Variants in ERBIN observed in about 807,000 individuals in gnomAD.
ERBIN encodes the protein erbb2 interacting protein.
In ERBIN, 60 loss-of-function variants were observed where a neutral mutation model predicts 158.4. The observed-to-expected ratio is 0.38, with a 90% CI of 0.31 to 0.47. The LOEUF (loss-of-function observed/expected upper bound fraction) is 0.47. Among genes scored for constraint, ERBIN ranks in the 20% least tolerant of loss-of-function variants. ERBIN has a pLI of 0.99. For missense variants in ERBIN, 1,610 were observed against 1,648.0 expected (o/e 0.98, Z 0.40); for synonymous variants, 594 against 557.2 (o/e 1.07, Z -0.93).
At chr5:65,986,383 G>A (rs1751239549) in intron 1 of ERBIN, among the ~76,000 whole-genome samples, 1 of 152,204 alleles carries the variant, frequency 6.6e-6, no homozygotes. Context: ...GTGTATGAGT[G>A]ACAGAAGATT....
intron 14 of ERBIN, among the ~76,000 whole-genome samples, chr5:66,031,831 C>G (rs960144895): frequency 6.6e-6 from 1 of 151,924 alleles, no homozygotes; most frequent in Non-Finnish European, 1.5e-5. Context: ...GATTCTATCT[C>G]CAAGATAGTT....
chr5:66,048,354 A>AC (rs1277750491), intron 18 of ERBIN, among the ~76,000 whole-genome samples: 2 of 151,932 alleles, frequency 1.3e-5, no homozygotes, highest in African/African-American at 4.8e-5. Flanking sequence ...TCATAGAGCT[A>AC]TATATGGTTG....
intron 21 of ERBIN, among the ~76,000 whole-genome samples, chr5:66,055,952 C>T (rs1215786196): frequency 1.3e-5 from 2 of 152,058 alleles, no homozygotes; most frequent in Non-Finnish European, 2.9e-5. Context: ...AAGCATTAGG[C>T]TACTTCATTC....
chr5:66,071,089 C>G (rs998231542), intron 21 of ERBIN, among the ~76,000 whole-genome samples: 1 of 152,100 alleles, frequency 6.6e-6, no homozygotes, highest in African/African-American at 2.4e-5. Context: ...TGCAGTGGTT[C>G]ACACCTGTAA....
intron 3 of ERBIN, 50 bp from the exon 4 acceptor site, chr5:65,994,697 A>G: frequency 9.8e-7 from 1 of 1,025,592 alleles, no homozygotes; most frequent in South Asian, 1.4e-5. Flanking sequence ...AGTTCATGAA[A>G]TATTTAAAGA....
At chr5:65,988,192 G>A (rs2151034804) in intron 1 of ERBIN, among the ~76,000 whole-genome samples, 1 of 151,976 alleles carries the variant, frequency 6.6e-6, no homozygotes, top group Non-Finnish European at 1.5e-5. Flanking sequence ...CCAACATAGT[G>A]AGACCCTGTC....
At chr5:66,053,260 T>C in intron 20 of ERBIN, 146 bp from the exon 21 acceptor site, 1 of 444,694 alleles carries the variant, frequency 2.2e-6, no homozygotes, top group South Asian at 6.5e-5. Flanking sequence ...TATTTTAAAA[T>C]TACATGCTTG....
chr5:65,957,934 C>T (rs1189881573), intron 1 of ERBIN, among the ~76,000 whole-genome samples: 1 of 151,182 alleles, frequency 6.6e-6, no homozygotes, highest in Non-Finnish European at 1.5e-5. Flanking sequence ...CTCCTCACTT[C>T]TCAGATGGGG....
intron 1 of ERBIN, among the ~76,000 whole-genome samples, chr5:65,933,549 T>TGCTC (rs1743703502): frequency 6.6e-6 from 1 of 152,216 alleles, no homozygotes; most frequent in African/African-American, 2.4e-5. Flanking sequence ...CACAGTGTTT[T>TGCTC]ACTATGGTTT....
rs189155726 is a variant in ERBIN at position 65,978,819 on chromosome 5, A to G, written c.-57-9816A>G. On this transcript the variant is annotated intron_variant, in intron 1 of 25. Coordinates refer to ENST00000284037, the MANE Select transcript of ERBIN (RefSeq NM_001253697.2). ...CAGGAGAGGAGAGGATTGAAAGCAT[A>G]AAGAAATCATGTAGTCCTGCAAATT... Among the ~76,000 whole-genome samples the G allele has an allele frequency of 1.2e-4, 19 of 152,336 alleles. No homozygotes were observed. The East Asian group carries it at 3.7e-3, about 29-fold the overall frequency.
chr5:65,955,036 A>G (rs1746933068), intron 1 of ERBIN, among the ~76,000 whole-genome samples: 1 of 152,166 alleles, frequency 6.6e-6, no homozygotes. Context: ...CTTGCACTCC[A>G]GCCTGGGTAG....
chr5:66,045,959 C>A (rs565403158), intron 17 of ERBIN, among the ~76,000 whole-genome samples: 1 of 152,124 alleles, frequency 6.6e-6, no homozygotes, highest in Non-Finnish European at 1.5e-5. Context: ...TTGCCACACA[C>A]ACATTATTGT....
intron 21 of ERBIN, among the ~76,000 whole-genome samples, chr5:66,061,368 T>A (rs1300796903): frequency 6.6e-6 from 1 of 152,050 alleles, no homozygotes; most frequent in East Asian, 1.9e-4. Flanking sequence ...TTGCAACCCC[T>A]GCCTTTTTTT....
chr5:65,939,209 C>T (rs1169198909), intron 1 of ERBIN, among the ~76,000 whole-genome samples: 3 of 152,170 alleles, frequency 2.0e-5, no homozygotes, highest in East Asian at 1.9e-4. Flanking sequence ...GAGGCTGAGG[C>T]GGGTGGATCA....
chr5:66,002,904 G>A (rs984958413), intron 4 of ERBIN, among the ~76,000 whole-genome samples: 4 of 152,162 alleles, frequency 2.6e-5, no homozygotes, highest in African/African-American at 9.7e-5. Context: ...TTAAGATAAT[G>A]AAAGAAGGAA....
chr5:65,939,703 C>T (rs1231903438), intron 1 of ERBIN, among the ~76,000 whole-genome samples: 4 of 152,244 alleles, frequency 2.6e-5, no homozygotes, highest in East Asian at 1.9e-4. Context: ...TGCGCCACCA[C>T]GCCTGACTGG....
rs1029197687 is a variant in ERBIN, at chr5:66,080,522, G to A, written c.*1992G>A. The stretch of plus-strand genomic sequence containing the variant: ...AAACAGCTTCTTTAAGACAAGTCTC[G>A]GTGTTCCCTTTATTCTTAGTTTGTT... On this transcript the variant is annotated 3_prime_UTR_variant, in exon 26 of 26. Coordinates refer to ENST00000284037, the MANE Select transcript of ERBIN (RefSeq NM_001253697.2). 2.0e-5 allele frequency: 3 copies of A among 149,862 alleles called. No homozygotes were observed. Among genetic ancestry groups the A allele is most frequent in the Admixed American group, 1.3e-4 (2 of 15,040 alleles). The allele number at this position is 149,862 out of a possible 1,614,324, so 9.3% of individuals were successfully genotyped here.
chr5:65,963,722 T>G (rs1748188733), intron 1 of ERBIN, among the ~76,000 whole-genome samples: 1 of 152,162 alleles, frequency 6.6e-6, no homozygotes, highest in Non-Finnish European at 1.5e-5. Context: ...GGTAGTGAAA[T>G]TTTAATATAG....
At chr5:65,958,354 TC>T (rs1276500974) in intron 1 of ERBIN, among the ~76,000 whole-genome samples, 1 of 152,184 alleles carries the variant, frequency 6.6e-6, no homozygotes, top group Non-Finnish European at 1.5e-5. Context: ...GAACGAGGAC[TC>T]CATCTGCAAT....
Sources: gnomAD v4.1 joint callset for allele counts (sites outside exome capture counted in the v4.1 genomes callset) on GRCh38, gnomAD v4.1.1 for gene constraint, MANE v1.5 for transcripts, NCBI Gene and HGNC (gene_info 2026-07-23, HGNC 2026-07-21) for gene names.